Variants in PLXND1 observed in about 807,000 individuals in gnomAD.
PLXND1 encodes the protein plexin-D1.
In PLXND1, 54 loss-of-function variants were observed where a neutral mutation model predicts 197.7. That is an observed-to-expected ratio of 0.27 (90% CI 0.22 to 0.34). PLXND1 has a LOEUF of 0.34. Among genes scored for constraint, PLXND1 ranks in the 10% least tolerant of loss-of-function variants. PLXND1 has a pLI of 1.00. For synonymous variants in PLXND1, 1,180 were observed against 1,161.2 expected, an observed-to-expected ratio of 1.02 and a Z score of -0.33; for missense variants, 2,127 against 2,699.2, an observed-to-expected ratio of 0.79 and a Z score of 4.70.
Position 129,556,283 on chromosome 3 carries a change from G to T in PLXND1, c.*29C>A. 6.9e-7 allele frequency: 1 copy of T among 1,458,392 alleles called. No individual in the cohort carries two copies. Among genetic ancestry groups the T allele is most frequent in the Non-Finnish European group, 9.6e-7 (1 of 1,038,844 alleles). The allele number at this position is 1,458,392 out of a possible 1,614,324, so 90.3% of individuals were successfully genotyped here. Reference sequence around the variant, plus strand: ...GCCCAGTGGGCGTCCATTTCTCCCAGCAGCAGCCTGACCAACTCTCCATGT... The same window carrying T: ...GCCCAGTGGGCGTCCATTTCTCCCATCAGCAGCCTGACCAACTCTCCATGT... On this transcript the variant is annotated 3_prime_UTR_variant, in exon 36 of 36. Transcript: ENST00000324093.
At chr3:129,582,908 T>C (rs2085405287) in intron 8 of PLXND1, among the ~76,000 whole-genome samples, 1 of 152,208 alleles carries the variant, frequency 6.6e-6, no homozygotes. Context: ...TGCAGGGTCC[T>C]AGGGACTGAC....
rs750000293 is a variant in PLXND1 at position 129,586,174 on chromosome 3, C to T, written c.1719G>A (p.Thr573=). 15 of 1,607,192 alleles carry T rather than the reference C, an allele frequency of 9.3e-6. No homozygotes were observed. Among genetic ancestry groups the T allele is most frequent in the East Asian group, 2.2e-5 (1 of 44,666 alleles). Residue 573 remains threonine (T), a splice_region_variant and synonymous_variant, in exon 4 of 36, where the codon ACG becomes ACA. Coordinates refer to ENST00000324093, the MANE Select transcript of PLXND1 (RefSeq NM_015103.3). ...CTGTTGCTGGTGTCCAGCCTCACCG[C>T]GTCTCCAGGGCACACCAGCCGCAGT... ...DAYCGWCALE[T]RCTLQQDCTN...
intron 19 of PLXND1, among the ~76,000 whole-genome samples, chr3:129,570,447 G>A (rs1233169648): frequency 1.3e-5 from 2 of 152,154 alleles, no homozygotes; most frequent in African/African-American, 4.8e-5. Flanking sequence ...AGGAGATAGT[G>A]TTCTGGCCCC....
Position 129,587,097 on chromosome 3 carries a change from C to A in PLXND1, c.1489-378G>T, listed in dbSNP as rs182621935. Among the ~76,000 whole-genome samples the A allele has an allele frequency of 3.3e-5, 5 of 152,334 alleles. No homozygotes were observed. The East Asian group carries it at 9.6e-4, about 29-fold the overall frequency. On this transcript the variant is annotated intron_variant, in intron 2 of 35. Coordinates refer to ENST00000324093, the MANE Select transcript of PLXND1 (RefSeq NM_015103.3). ...AATGTGTAAGTTGTACAAGCTGCCT[C>A]CCCTCTCTGAGCCTGTTTCCTGAGC... is the stretch of plus-strand genomic sequence containing the variant.
Position 129,573,717 on chromosome 3 carries a change from C to T in PLXND1, c.2714G>A (p.Gly905Asp), listed in dbSNP as rs781562113. The T allele has an allele frequency of 6.2e-7, 1 of 1,613,692 alleles. No homozygotes were observed. ...TCCTCGGATGGTCAGCAGGGTCCCA[C>T]CGTCCAACGGGCCACTCAGGGGCTC... Reference protein sequence around the residue: ...AIEPLSGPLDGGTLLTIRGRN... With the variant: ...AIEPLSGPLDDGTLLTIRGRN... The change falls in exon 13 of 36, where the codon GGT (glycine) becomes GAT (aspartate). Residue 905 changes from glycine to aspartate, a missense_variant. Physicochemically the swap from Gly to Asp is moderately conservative, Grantham distance 94 (BLOSUM62 -1). Coordinates refer to ENST00000324093, the MANE Select transcript of PLXND1 (RefSeq NM_015103.3).
chr3:129,590,977 C>T (rs537524579), intron 1 of PLXND1, among the ~76,000 whole-genome samples: 1 of 151,272 alleles, frequency 6.6e-6, no homozygotes, highest in East Asian at 2.0e-4. Context: ...GTGCTTTTTG[C>T]AAGCTTAAGC....
At position 129,556,058 on chromosome 3, in the gene PLXND1, T is replaced by TG; in HGVS notation, c.*253dup. The TG allele has an allele frequency of 2.1e-6, 1 of 477,096 alleles. No individual in the cohort carries two copies. The highest frequency in any genetic ancestry group is 3.8e-6 in the Non-Finnish European group (1 of 261,536). 29.6% of individuals were successfully genotyped at this position (477,096 alleles called of 1,614,324 possible). A position where few individuals can be genotyped will look rare whatever the true frequency, so the allele number is the denominator to read the frequency against. On this transcript the variant is annotated 3_prime_UTR_variant, in exon 36 of 36. Coordinates refer to ENST00000324093, the MANE Select transcript of PLXND1 (RefSeq NM_015103.3). ...CACAGTGCAGGCCGTGCTGGGCAGA[T>TG]GGGGGAGCCTGACCAGCTCTCTGGC...
At chr3:129,605,284 C>CCCG (rs3832259) in intron 1 of PLXND1, 45 bp downstream of exon 1, 53,052 of 781,872 alleles carry the variant, frequency 0.068, 1,708 homozygotes, top group East Asian at 0.22. Flanking sequence ...CGCCCCCGCC[C>CCCG]CCGCCGCCGC....
intron 1 of PLXND1, among the ~76,000 whole-genome samples, chr3:129,589,925 C>G (rs1489529377): frequency 6.6e-6 from 1 of 152,182 alleles, no homozygotes; most frequent in African/African-American, 2.4e-5. Context: ...CCGGAGGCCA[C>G]CGTCAGCCTC....
chr3:129,573,823 C>T (rs2085272233), intron 12 of PLXND1, 78 bp from the exon 13 acceptor site: 3 of 1,498,500 alleles, frequency 2.0e-6, no homozygotes, highest in Admixed American at 1.9e-5. Context: ...GTCACAGGCA[C>T]CCAGCAGGGC....
intron 2 of PLXND1, 38 bp downstream of exon 2, chr3:129,589,313 C>CCCCCCCCCCCCCCCCCCCCA (rs2108794779): frequency 3.2e-5 from 19 of 592,292 alleles, no homozygotes; most frequent in Middle Eastern, 5.1e-4. Context: ...GGGAGCCTCC[C>CCCCCCCCCCCCCCCCCCCCA]ACCCCCACCC....
At chr3:129,576,289 T>C (rs576056612) in intron 9 of PLXND1, among the ~76,000 whole-genome samples, 1 of 152,246 alleles carries the variant, frequency 6.6e-6, no homozygotes, top group African/African-American at 2.4e-5. Flanking sequence ...GCCTGAGCCC[T>C]CCCCTCGCCT....
intron 2 of PLXND1, among the ~76,000 whole-genome samples, chr3:129,588,495 G>A (rs1271027490): frequency 6.6e-6 from 1 of 152,128 alleles, no homozygotes; most frequent in South Asian, 2.1e-4. Flanking sequence ...CCCAAACCAC[G>A]AGCCCCATTG....
intron 1 of PLXND1, among the ~76,000 whole-genome samples, chr3:129,596,347 C>T (rs974309927): frequency 6.0e-4 from 92 of 152,256 alleles, no homozygotes; most frequent in Non-Finnish European, 1.0e-3. Flanking sequence ...TGGGAACCAC[C>T]GCCACAGTCG....
rs2085769013 is a variant in PLXND1 at position 129,605,293 on chromosome 3, G to GCCGCCGCCGCCGCCGCCGCCA, written c.1311+15_1311+35dup. On this transcript the variant is annotated intron_variant, in intron 1 of 35. Transcript: ENST00000324093. The stretch of plus-strand genomic sequence containing the variant: ...CGCCCCCGCCCCCGCCCCCGCCGCC[G>GCCGCCGCCGCCGCCGCCGCCA]CCGCCGCCGCCGCCGCCGCCACCGC... The GCCGCCGCCGCCGCCGCCGCCA allele has an allele frequency of 8.4e-6, 7 of 831,018 alleles. No individual in the cohort carries two copies. In the East Asian group the frequency reaches 3.0e-4, roughly 36 times the overall value. The allele number at this position is 831,018 out of a possible 1,614,324, so 51.5% of individuals were successfully genotyped here. A position where few individuals can be genotyped will look rare whatever the true frequency, so the allele number is the denominator to read the frequency against.
At chr3:129,593,249 C>T (rs1314020532) in intron 1 of PLXND1, among the ~76,000 whole-genome samples, 2 of 152,170 alleles carry the variant, frequency 1.3e-5, no homozygotes, top group East Asian at 3.9e-4. Flanking sequence ...AGCTCCCAGG[C>T]CTCCAGTCTC....
intron 2 of PLXND1, among the ~76,000 whole-genome samples, chr3:129,586,935 C>T (rs906714531): frequency 2.0e-5 from 3 of 152,198 alleles, no homozygotes; most frequent in Non-Finnish European, 2.9e-5. Flanking sequence ...CTTCTGGGCT[C>T]GTCTCCAAGG....
At chr3:129,583,708 C>T (rs1425328135) in intron 7 of PLXND1, 39 bp from the exon 8 acceptor site, 17 of 1,334,808 alleles carry the variant, frequency 1.3e-5, no homozygotes, top group Non-Finnish European at 1.8e-5. Flanking sequence ...TGGTTCCCCA[C>T]CCCTCAACTC....
rs772670071 is a variant in PLXND1 at position 129,606,364 on chromosome 3, C to T, written c.276G>A (p.Glu92=). The T allele has an allele frequency of 6.8e-6, 10 of 1,481,196 alleles. No homozygotes were observed. The African/African-American group carries it at 1.5e-4, about 22-fold the overall frequency. 91.8% of individuals were successfully genotyped at this position (1,481,196 alleles called of 1,614,324 possible). ...LSGANLSLEA[E]AAVGPVPDSP... ...TGTCGGGCACCGGGCCCACGGCCGC[C>T]TCGGCCTCCAGGCTCAGGTTGGCGC... Residue 92 remains glutamate (E), a synonymous_variant, in exon 1 of 36, where the codon GAG becomes GAA. Coordinates refer to ENST00000324093, the MANE Select transcript of PLXND1 (RefSeq NM_015103.3).
Sources: gnomAD v4.1 joint callset for allele counts (sites outside exome capture counted in the v4.1 genomes callset) on GRCh38, gnomAD v4.1.1 for gene constraint, MANE v1.5 for transcripts, NCBI Gene and HGNC (gene_info 2026-07-23, HGNC 2026-07-21) for gene names.